Variants in ADAMTS19 observed in about 807,000 individuals in gnomAD.
ADAMTS19 encodes ADAM metallopeptidase with thrombospondin type 1 motif 19.
A neutral mutation model predicts 153.3 loss-of-function variants in ADAMTS19; 93 were observed. That is an observed-to-expected ratio of 0.61 (90% CI 0.51 to 0.72). The LOEUF is 0.72. Ranked by LOEUF, ADAMTS19 falls within the 30% of genes least tolerant of loss-of-function variation. ADAMTS19 has a pLI of 0.00. For synonymous variants in ADAMTS19, 600 were observed against 556.6 expected, an observed-to-expected ratio of 1.08 and a Z score of -1.10; for missense variants, 1,482 against 1,552.1, an observed-to-expected ratio of 0.95 and a Z score of 0.76.
intron 16 of ADAMTS19, among the ~76,000 whole-genome samples, chr5:129,676,844 T>A (rs183539380): frequency 0.013 from 1,951 of 152,312 alleles, 17 homozygotes; most frequent in African/African-American, 0.018. Flanking sequence ...TGAGTGCCAT[T>A]TTCTGGAGAA....
intron 6 of ADAMTS19, among the ~76,000 whole-genome samples, chr5:129,540,632 A>G (rs957824134): frequency 1.3e-5 from 2 of 152,130 alleles, no homozygotes; most frequent in African/African-American, 4.8e-5. Context: ...TTAATAAAAC[A>G]TATGAATTGC....
chr5:129,722,479 T>C (rs1757045690), intron 21 of ADAMTS19, among the ~76,000 whole-genome samples: 1 of 151,386 alleles, frequency 6.6e-6, no homozygotes, highest in African/African-American at 2.5e-5. Flanking sequence ...AAATTCCTTG[T>C]AAATTCTGGA....
chr5:129,526,677 C>A (rs1299724544), intron 4 of ADAMTS19, among the ~76,000 whole-genome samples: 1 of 151,728 alleles, frequency 6.6e-6, no homozygotes, highest in African/African-American at 2.4e-5. Context: ...TTTGATGTGG[C>A]AAAGCTCTTT....
chr5:129,478,114 T>C (rs2126664686), intron 2 of ADAMTS19, among the ~76,000 whole-genome samples: 1 of 152,366 alleles, frequency 6.6e-6, no homozygotes, highest in Non-Finnish European at 1.5e-5. Context: ...CAAATTCTTA[T>C]GGCTGTAGTA....
chr5:129,460,999 T>A, intron 1 of ADAMTS19, 103 bp from the exon 2 acceptor site: 1 of 1,248,416 alleles, frequency 8.0e-7, no homozygotes, highest in South Asian at 3.1e-5. Flanking sequence ...TCCATTGCAT[T>A]CAACGCGAGC....
chr5:129,709,165 T>C (rs964899592), intron 21 of ADAMTS19, among the ~76,000 whole-genome samples: 1 of 152,158 alleles, frequency 6.6e-6, no homozygotes, highest in African/African-American at 2.4e-5. Flanking sequence ...CTTATCTAGA[T>C]ACCTGCTTTC....
chr5:129,718,731 C>T (rs1756841244), intron 21 of ADAMTS19, among the ~76,000 whole-genome samples: 2 of 152,064 alleles, frequency 1.3e-5, no homozygotes, highest in South Asian at 4.1e-4. Flanking sequence ...TCCATTATTC[C>T]CAAAGACAAA....
At chr5:129,535,559 T>G (rs929288181) in intron 6 of ADAMTS19, among the ~76,000 whole-genome samples, 2 of 152,158 alleles carry the variant, frequency 1.3e-5, no homozygotes, top group African/African-American at 2.4e-5. Flanking sequence ...TGGAAAAAGC[T>G]ACTTTAAAGT....
Position 129,665,592 on chromosome 5 carries a change from A to G in ADAMTS19, c.2506+13A>G. 1.3e-6 allele frequency: 2 copies of G among 1,595,576 alleles called. No homozygotes were observed. The highest frequency in any genetic ancestry group is 1.7e-6 in the Non-Finnish European group (2 of 1,165,866). ...CATAGCTATTTAGGTAACCTGTGTT[A>G]CAGACACAGAGAAGATCCAAGTACG... On this transcript the variant is annotated intron_variant, in intron 16 of 22. Coordinates refer to ENST00000274487, the MANE Select transcript of ADAMTS19 (RefSeq NM_133638.6).
Position 129,681,790 on chromosome 5 carries a change from C to T in ADAMTS19, c.2664+1869C>T, listed in dbSNP as rs986641612. 2.6e-5 allele frequency among the ~76,000 whole-genome samples: 4 copies of T among 152,174 alleles called. No individual in the cohort carries two copies. The South Asian group carries it at 8.3e-4, about 32-fold the overall frequency. The stretch of plus-strand genomic sequence containing the variant: ...CATCACCTCACAGTCCCATTGGATC[C>T]TATTATTTAATTTCAGCTGGAAACC... On this transcript the variant is annotated intron_variant, in intron 17 of 22. Transcript: ENST00000274487.
At chr5:129,510,913 A>C (rs930030486) in intron 3 of ADAMTS19, among the ~76,000 whole-genome samples, 12 of 151,140 alleles carry the variant, frequency 7.9e-5, no homozygotes, top group African/African-American at 2.9e-4. Context: ...ATGTTGACCT[A>C]CTTGGGCCAA....
At chr5:129,578,145 CATGT>C (rs1749286055) in intron 7 of ADAMTS19, among the ~76,000 whole-genome samples, 1 of 115,466 alleles carries the variant, frequency 8.7e-6, no homozygotes, top group Non-Finnish European at 1.8e-5. Flanking sequence ...TACCTATATG[CATGT>C]ATATGTACGT....
intron 8 of ADAMTS19, among the ~76,000 whole-genome samples, chr5:129,618,304 T>A (rs1027106552): frequency 2.6e-5 from 4 of 152,044 alleles, no homozygotes; most frequent in African/African-American, 7.2e-5. Context: ...ACAGACTCTA[T>A]TTGAAGAAAT....
At chr5:129,580,000 G>C (rs1344695060) in intron 7 of ADAMTS19, among the ~76,000 whole-genome samples, 1 of 152,140 alleles carries the variant, frequency 6.6e-6, no homozygotes, top group Non-Finnish European at 1.5e-5. Context: ...GATGGGGATA[G>C]CATTGAATCT....
chr5:129,596,353 G>A lies in ADAMTS19; in HGVS notation c.1373-206G>A, dbSNP rs555384522. Among the ~76,000 whole-genome samples the A allele has an allele frequency of 3.2e-3, 482 of 152,012 alleles. 2 individuals carry two copies. The highest frequency in any genetic ancestry group is 6.8e-3 in the Middle Eastern group (2 of 294). Reference sequence around the variant, plus strand: ...GGTAAAATAATTTTATCTAAAATATGAAAATGAAAATGATATGAACATTTT... The same window carrying A: ...GGTAAAATAATTTTATCTAAAATATAAAAATGAAAATGATATGAACATTTT... On this transcript the variant is annotated intron_variant, in intron 7 of 22. Coordinates refer to ENST00000274487, the MANE Select transcript of ADAMTS19 (RefSeq NM_133638.6).
intron 4 of ADAMTS19, among the ~76,000 whole-genome samples, chr5:129,526,772 T>G (rs557072032): frequency 6.6e-6 from 1 of 151,864 alleles, no homozygotes; most frequent in South Asian, 2.1e-4. Flanking sequence ...ATGTATGTAT[T>G]TATGTCTGTC....
intron 7 of ADAMTS19, among the ~76,000 whole-genome samples, chr5:129,581,098 G>A (rs1290347275): frequency 6.6e-6 from 1 of 152,182 alleles, no homozygotes; most frequent in Non-Finnish European, 1.5e-5. Context: ...ATTAATTACT[G>A]CCTCAATTTC....
At chr5:129,543,186 A>T (rs1052965357) in intron 6 of ADAMTS19, among the ~76,000 whole-genome samples, 2 of 151,726 alleles carry the variant, frequency 1.3e-5, no homozygotes, top group Admixed American at 1.3e-4. Context: ...AGTAGCTGGG[A>T]TTACAGGGAT....
At position 129,461,321 on chromosome 5, in the gene ADAMTS19, G is replaced by A. The variant is rs767743570; in HGVS notation, c.311G>A (p.Arg104Gln). The change falls in exon 2 of 23, where the codon CGA becomes CAA. Residue 104 changes from arginine (R) to glutamine (Q), a missense_variant. Coordinates refer to ENST00000274487, the MANE Select transcript of ADAMTS19 (RefSeq NM_133638.6). This position sits in a 1 kb window ranked among gnomAD's most constrained non-coding sequence, Gnocchi z 4.6. Reference sequence around the variant, plus strand: ...CCTTTGGAGGAGCCCGTGGAGGGCCGATCAGAGTCCCGGCTCCGGCCCCCG... The same window carrying A: ...CCTTTGGAGGAGCCCGTGGAGGGCCAATCAGAGTCCCGGCTCCGGCCCCCG... The part of the protein sequence containing the change: ...PVPLEEPVEG[R>Q]SESRLRPPPP... 6.3e-5 allele frequency: 83 copies of A among 1,327,814 alleles called. No homozygotes were observed. The highest frequency in any genetic ancestry group is 7.5e-5 in the Non-Finnish European group (79 of 1,047,700). 82.3% of individuals were successfully genotyped at this position (1,327,814 alleles called of 1,614,324 possible).
Sources: gnomAD v4.1 joint callset for allele counts (sites outside exome capture counted in the v4.1 genomes callset) on GRCh38, gnomAD v4.1.1 for gene constraint, Gnocchi (gnomAD v3.1) non-coding constraint, MANE v1.5 for transcripts, NCBI Gene and HGNC (gene_info 2026-07-23, HGNC 2026-07-21) for gene names.